KICS2: variants seen among roughly 807,000 people sequenced by gnomAD.
KICS2 encodes the protein KICSTOR subunit 2, also known as KICSTOR complex protein C12orf66.
A neutral mutation model predicts 31.4 loss-of-function variants in KICS2; 13 were observed. The observed-to-expected ratio is 0.41, with a 90% CI of 0.27 to 0.66. The LOEUF (loss-of-function observed/expected upper bound fraction) is 0.66, where lower values mean the gene tolerates loss of function less well. Among genes scored for constraint, KICS2 ranks in the 30% least tolerant of loss-of-function variants. The probability of loss-of-function intolerance (pLI) is 0.28; values close to 1 mark genes in which losing one functional copy is unlikely to be tolerated. For missense variants in KICS2, 455 were observed against 545.4 expected (o/e 0.83, Z 1.65); for synonymous variants, 209 against 214.8 (o/e 0.97, Z 0.24).
intron 1 of KICS2, 146 bp from the exon 2 acceptor site, chr12:64,216,109 T>TATAAATACTTTATAATC (rs2037626105): frequency 2.8e-6 from 1 of 362,838 alleles, no homozygotes; most frequent in Admixed American, 6.3e-5. Context: ...ATGATTGAGA[T>TATAAATACTTTATAATC]ATAAATACTT....
In KICS2 at chr12:64,192,953, T is replaced by G; in HGVS notation, c.*889A>C. On this transcript the variant is annotated 3_prime_UTR_variant, in exon 3 of 3. Coordinates refer to ENST00000398055, the MANE Select transcript of KICS2 (RefSeq NM_152440.5). ...TTGATTTTATAAAAGTAGGCTATGT[T>G]GCATGAGTATCTAAAAGTGGCTGAA... The G allele has an allele frequency of 1.0e-6, 1 of 985,462 alleles. No individual in the cohort carries two copies. The highest frequency in any genetic ancestry group is 1.2e-6 in the Non-Finnish European group (1 of 829,932). The allele number at this position is 985,462 out of a possible 1,614,324, so 61.0% of individuals were successfully genotyped here.
chr12:64,188,089 T>C (rs2037352759), downstream of KICS2, among the ~76,000 whole-genome samples: 1 of 152,152 alleles, frequency 6.6e-6, no homozygotes, highest in South Asian at 2.1e-4. Flanking sequence ...TAACTGGTTA[T>C]AAAAACAATC....
At chr12:64,211,364 C>T (rs1331805129) in intron 2 of KICS2, among the ~76,000 whole-genome samples, 2 of 152,182 alleles carry the variant, frequency 1.3e-5, no homozygotes, top group Non-Finnish European at 2.9e-5. Context: ...CACACCAATC[C>T]TAGCACTTTG....
At chr12:64,220,078 C>T (rs1017815467) in intron 1 of KICS2, among the ~76,000 whole-genome samples, 5 of 152,118 alleles carry the variant, frequency 3.3e-5, no homozygotes, top group African/African-American at 4.8e-5. Flanking sequence ...GTTTACTGTA[C>T]GTGTAAATAA....
At chr12:64,211,329 T>C (rs1254343411) in intron 2 of KICS2, among the ~76,000 whole-genome samples, 2 of 152,182 alleles carry the variant, frequency 1.3e-5, no homozygotes, top group African/African-American at 4.8e-5. Flanking sequence ...AAGAACTTGC[T>C]AACTTTAGGC....
intron 2 of KICS2, among the ~76,000 whole-genome samples, chr12:64,203,968 G>A (rs2037513790): frequency 6.6e-6 from 1 of 152,176 alleles, no homozygotes; most frequent in Non-Finnish European, 1.5e-5. Flanking sequence ...TCCTTTGCAG[G>A]GACACGGATG....
chr12:64,194,929 A>G (rs998149678), intron 2 of KICS2, among the ~76,000 whole-genome samples: 1 of 124,722 alleles, frequency 8.0e-6, no homozygotes, highest in Non-Finnish European at 1.6e-5. Flanking sequence ...CAAATTAGCT[A>G]CAATTCATTT....
downstream of KICS2, chr12:64,187,581 A>C (rs1396423724): frequency 6.6e-7 from 1 of 1,505,632 alleles, no homozygotes; most frequent in Non-Finnish European, 8.9e-7. Context: ...CTTCTGACTC[A>C]TTTCCTCTGG....
intron 2 of KICS2, among the ~76,000 whole-genome samples, chr12:64,212,394 G>A (rs1037579135): frequency 6.6e-6 from 1 of 152,082 alleles, no homozygotes; most frequent in African/African-American, 2.4e-5. Flanking sequence ...TGCCTGTTCT[G>A]GGTATTTCGC....
intron 2 of KICS2, among the ~76,000 whole-genome samples, chr12:64,212,007 A>G (rs2136703261): frequency 6.6e-6 from 1 of 152,196 alleles, no homozygotes; most frequent in East Asian, 1.9e-4. Context: ...AAGTGTCATG[A>G]TGATTGCATT....
chr12:64,194,142 A>AT lies in KICS2; in HGVS notation c.1037dup (p.Tyr346Ter). 1 of 1,614,130 alleles carries AT rather than the reference A, an allele frequency of 6.2e-7. No individual in the cohort carries two copies. The highest frequency in any genetic ancestry group is 8.5e-7 in the Non-Finnish European group (1 of 1,180,030). ...CGCTGGGCAGAGACACTACAGCTGG[A>AT]TACTGGTCCACACCCTTGGGGGCCT... ...YREAPKGVDQ[Y>*]PAVVSLPSDR... The change falls in exon 3 of 3, where the codon TAT becomes TAAT. Residue 346 changes from tyrosine (Y) to a stop codon, truncating the protein, a stop_gained and frameshift_variant. Coordinates refer to ENST00000398055, the MANE Select transcript of KICS2 (RefSeq NM_152440.5). LOFTEE classifies it high-confidence loss of function.
At chr12:64,218,571 G>C (rs1371359303) in intron 1 of KICS2, among the ~76,000 whole-genome samples, 1 of 152,110 alleles carries the variant, frequency 6.6e-6, no homozygotes, top group African/African-American at 2.4e-5. Flanking sequence ...TTGAGCTTCT[G>C]AAACTGTGGT....
At chr12:64,195,785 C>T (rs917990481) in intron 2 of KICS2, among the ~76,000 whole-genome samples, 72 of 152,314 alleles carry the variant, frequency 4.7e-4, no homozygotes, top group Non-Finnish European at 5.7e-4. Flanking sequence ...ATTGCCTCAC[C>T]TGGGAAGCGC....
intron 1 of KICS2, among the ~76,000 whole-genome samples, chr12:64,220,359 G>A (rs904678006): frequency 1.3e-5 from 2 of 152,098 alleles, no homozygotes; most frequent in South Asian, 2.1e-4. Context: ...TTCTGTTTAC[G>A]TAAAAACCTG....
intron 2 of KICS2, among the ~76,000 whole-genome samples, chr12:64,203,913 C>T (rs1429058331): frequency 6.6e-6 from 1 of 152,164 alleles, no homozygotes; most frequent in East Asian, 1.9e-4. Flanking sequence ...ATAATATACA[C>T]AATCCATGGA....
chr12:64,195,122 A>G (rs2037421586), intron 2 of KICS2, among the ~76,000 whole-genome samples: 1 of 152,034 alleles, frequency 6.6e-6, no homozygotes, highest in African/African-American at 2.4e-5. Context: ...AGGTCTCCCT[A>G]TGTTGCCCAG....
intron 2 of KICS2, among the ~76,000 whole-genome samples, chr12:64,196,070 G>A (rs1486628485): frequency 3.3e-5 from 5 of 151,896 alleles, no homozygotes; most frequent in South Asian, 2.1e-4. Flanking sequence ...ACAAAGCAGC[G>A]GGCAGCTCCA....
chr12:64,204,239 G>GA (rs2037517054), intron 2 of KICS2, among the ~76,000 whole-genome samples: 2 of 152,176 alleles, frequency 1.3e-5, no homozygotes, highest in Admixed American at 1.3e-4. Flanking sequence ...GAGCATTAGG[G>GA]AAAAGAGTTA....
At position 64,192,879 on chromosome 12, in the gene KICS2, C is replaced by T. The variant is rs1470667369; in HGVS notation, c.*963G>A. The T allele has an allele frequency of 1.0e-6, 1 of 985,424 alleles. No individual in the cohort carries two copies. The highest frequency in any genetic ancestry group is 1.2e-6 in the Non-Finnish European group (1 of 829,934). 61.0% of individuals were successfully genotyped at this position (985,424 alleles called of 1,614,324 possible). ...ATTACTCAACTATGAAGAGGTCTTT[C>T]AAGCGCACAGTTGATTTTTAGCAAG... On this transcript the variant is annotated 3_prime_UTR_variant, in exon 3 of 3. Transcript: ENST00000398055.
Sources: allele counts gnomAD v4.1 joint callset (sites outside exome capture counted in the v4.1 genomes callset), GRCh38; gene constraint gnomAD v4.1.1; transcripts MANE v1.5; gene names NCBI Gene and HGNC (gene_info 2026-07-23, HGNC 2026-07-21).